The following WDR7 variants were observed in gnomAD, a reference collection of about 807,000 sequenced individuals.
WDR7 encodes the protein WD repeat domain 7.
Under a neutral mutation model 169.4 loss-of-function variants are expected in WDR7, and 46 were observed. The observed-to-expected ratio is 0.27, with a 90% CI of 0.21 to 0.35. The LOEUF (loss-of-function observed/expected upper bound fraction) is 0.35, where lower values mean the gene tolerates loss of function less well. Ranked by LOEUF, WDR7 falls within the 10% of genes least tolerant of loss-of-function variation. The pLI is 1.00. For synonymous variants in WDR7, 612 were observed against 666.8 expected, an observed-to-expected ratio of 0.92 and a Z score of 1.27; for missense variants, 1,534 against 1,859.3, an observed-to-expected ratio of 0.83 and a Z score of 3.22.
intron 14 of WDR7, among the ~76,000 whole-genome samples, chr18:56,748,971 T>C (rs2043745971): frequency 6.6e-6 from 1 of 152,066 alleles, no homozygotes; most frequent in African/African-American, 2.4e-5. Context: ...CCTTCCTTTT[T>C]TCTAGTACTT....
At chr18:57,020,937 C>A in intron 27 of WDR7, 88 bp downstream of exon 27, 2 of 1,187,208 alleles carry the variant, frequency 1.7e-6, no homozygotes, top group Non-Finnish European at 2.5e-6. Flanking sequence ...ACCTGCCGGC[C>A]CTCCTTCCTG....
intron 20 of WDR7, among the ~76,000 whole-genome samples, chr18:56,842,764 T>C (rs922352258): frequency 1.3e-5 from 2 of 152,236 alleles, no homozygotes; most frequent in African/African-American, 4.8e-5. Context: ...TGGAAGTATT[T>C]TAACGTTTTA....
intron 1 of WDR7, among the ~76,000 whole-genome samples, chr18:56,663,550 C>T (rs1317162646): frequency 1.3e-5 from 2 of 151,984 alleles, no homozygotes; most frequent in Non-Finnish European, 2.9e-5. Flanking sequence ...AGTGGTTCTA[C>T]ACACACAAAA....
intron 14 of WDR7, 22 bp downstream of exon 14, chr18:56,731,619 A>G (rs1451661884): frequency 1.2e-6 from 2 of 1,608,118 alleles, no homozygotes; most frequent in African/African-American, 2.7e-5. Context: ...ATGTGGGCCC[A>G]TGAAGTGTGT....
intron 12 of WDR7, among the ~76,000 whole-genome samples, chr18:56,710,557 A>G (rs994896996): frequency 3.9e-5 from 6 of 152,166 alleles, no homozygotes; most frequent in Non-Finnish European, 8.8e-5. Flanking sequence ...ATAATACAAT[A>G]TTGAATGTGT....
At chr18:56,761,086 T>C (rs975443634) in intron 16 of WDR7, among the ~76,000 whole-genome samples, 1 of 152,234 alleles carries the variant, frequency 6.6e-6, no homozygotes, top group Admixed American at 6.5e-5. Context: ...CACAGCTCAC[T>C]GCAGCCTCCA....
At chr18:56,973,861 C>G (rs1023403654) in intron 26 of WDR7, among the ~76,000 whole-genome samples, 4 of 152,184 alleles carry the variant, frequency 2.6e-5, no homozygotes, top group African/African-American at 9.7e-5. Flanking sequence ...GCTCTGGATC[C>G]AGGACCTCAG....
chr18:56,766,891 T>G (rs1383241111), intron 16 of WDR7, among the ~76,000 whole-genome samples: 5 of 152,222 alleles, frequency 3.3e-5, no homozygotes, highest in Non-Finnish European at 5.9e-5. Context: ...ATTATTCTCC[T>G]CCTTGTGGAC....
intron 2 of WDR7, 33 bp downstream of exon 2, chr18:56,672,707 G>C (rs1395603214): frequency 1.3e-6 from 2 of 1,536,722 alleles, no homozygotes; most frequent in South Asian, 1.3e-5. Context: ...ATACATTTTA[G>C]ATATAAAAAT....
intron 19 of WDR7, among the ~76,000 whole-genome samples, chr18:56,808,701 G>A (rs1299320924): frequency 3.9e-5 from 6 of 152,020 alleles, no homozygotes; most frequent in Non-Finnish European, 5.9e-5. Flanking sequence ...GATATTGTTA[G>A]CCAGTTGGAA....
At chr18:56,934,086 G>A (rs1279651417) in intron 22 of WDR7, among the ~76,000 whole-genome samples, 1 of 152,174 alleles carries the variant, frequency 6.6e-6, no homozygotes, top group Admixed American at 6.5e-5. Flanking sequence ...ATTGTTTACA[G>A]CCTTGCAGTA....
intron 12 of WDR7, among the ~76,000 whole-genome samples, chr18:56,709,709 A>G (rs997944070): frequency 6.6e-6 from 1 of 152,178 alleles, no homozygotes; most frequent in African/African-American, 2.4e-5. Flanking sequence ...GTCTATTTCA[A>G]AGTAAGTAGT....
chr18:57,001,461 G>A (rs548930387), intron 26 of WDR7, among the ~76,000 whole-genome samples: 1 of 152,232 alleles, frequency 6.6e-6, no homozygotes, highest in African/African-American at 2.4e-5. Flanking sequence ...TCATTTCTCA[G>A]TGGATCCAGG....
chr18:56,726,363 T>C (rs1272654280), intron 13 of WDR7, among the ~76,000 whole-genome samples: 2 of 152,200 alleles, frequency 1.3e-5, no homozygotes, highest in East Asian at 3.9e-4. Flanking sequence ...GAAGAGGTCC[T>C]TCATATCCCT....
intron 21 of WDR7, among the ~76,000 whole-genome samples, chr18:56,908,120 T>G (rs901849880): frequency 4.6e-5 from 7 of 152,192 alleles, no homozygotes; most frequent in African/African-American, 1.7e-4. Context: ...TTAAGCTCAT[T>G]TACTGTCTTA....
chr18:56,773,076 T>C (rs546108131), intron 16 of WDR7, among the ~76,000 whole-genome samples: 26 of 152,200 alleles, frequency 1.7e-4, no homozygotes, highest in Non-Finnish European at 2.6e-4. Flanking sequence ...GCCAATTCTA[T>C]TGGACATATT....
chr18:56,799,394 T>C (rs2044636029), intron 19 of WDR7, among the ~76,000 whole-genome samples: 1 of 150,944 alleles, frequency 6.6e-6, no homozygotes. Context: ...AGGTCACATA[T>C]TTGTGGCTTT....
At chr18:56,989,422 A>G (rs1181141585) in intron 26 of WDR7, among the ~76,000 whole-genome samples, 1 of 152,084 alleles carries the variant, frequency 6.6e-6, no homozygotes. Flanking sequence ...GGTCTTTTTT[A>G]TCTTTTGATG....
In WDR7 at chr18:56,731,421, G is replaced by C. The variant is rs2026584448; in HGVS notation, c.1813G>C (p.Glu605Gln). ...DRCVMGITAV[E>Q]ILNACDEAVP... ...TTGTGTGATGGGGATAACAGCAGTT[G>C]AGATTCTAAACGCTTGTGATGAAGC... Residue 605 changes from glutamate to glutamine, a missense_variant, in exon 14 of 28, where the codon GAG (glutamate) becomes CAG (glutamine). Physicochemically the swap from Glu to Gln is conservative, Grantham distance 29. Transcript: ENST00000254442. 1 of 1,614,042 alleles carries C rather than the reference G, an allele frequency of 6.2e-7. No individual in the cohort carries two copies. The highest frequency in any genetic ancestry group is 8.5e-7 in the Non-Finnish European group (1 of 1,180,028).
Sources: allele counts gnomAD v4.1 joint callset (sites outside exome capture counted in the v4.1 genomes callset), GRCh38; gene constraint gnomAD v4.1.1; transcripts MANE v1.5; gene names NCBI Gene and HGNC (gene_info 2026-07-23, HGNC 2026-07-21).